Variants in DCC observed in about 807,000 individuals in gnomAD.
The protein encoded by DCC is netrin receptor DCC.
A neutral mutation model predicts 172.5 loss-of-function variants in DCC; 58 were observed. That is an observed-to-expected ratio of 0.34 (90% confidence interval 0.27 to 0.42). DCC has a LOEUF of 0.42. DCC is among the 10% of genes least tolerant of loss of function. DCC has a pLI of 1.00. For missense variants in DCC, 1,740 were observed against 1,791.0 expected, an observed-to-expected ratio of 0.97 and a Z score of 0.51; for synonymous variants, 709 against 644.5, an observed-to-expected ratio of 1.10 and a Z score of -1.52.
intron 1 of DCC, among the ~76,000 whole-genome samples, chr18:52,509,275 A>G (rs2144643256): frequency 6.6e-6 from 1 of 152,332 alleles, no homozygotes; most frequent in East Asian, 1.9e-4. Context: ...ATAGATTTTG[A>G]ACTGATAATA....
At chr18:53,226,949 T>TATATA (rs1555734428) in intron 12 of DCC, among the ~76,000 whole-genome samples, 5 of 47,476 alleles carry the variant, frequency 1.1e-4, no homozygotes, top group Middle Eastern at 8.9e-3. Flanking sequence ...TATATATATA[T>TATATA]TTTTTTTTTT....
intron 22 of DCC, among the ~76,000 whole-genome samples, chr18:53,446,312 C>G (rs1828874207): frequency 6.6e-6 from 1 of 151,884 alleles, no homozygotes; most frequent in Non-Finnish European, 1.5e-5. Flanking sequence ...CACATTGAGC[C>G]ACATCATAAT....
At chr18:52,571,135 A>C (rs573301760) in intron 1 of DCC, among the ~76,000 whole-genome samples, 31 of 152,350 alleles carry the variant, frequency 2.0e-4, no homozygotes, top group Middle Eastern at 6.8e-3. Flanking sequence ...TTTGAAAGGC[A>C]CTAGAAAATC....
chr18:52,762,031 A>C (rs1050676239), intron 2 of DCC, among the ~76,000 whole-genome samples: 1 of 152,134 alleles, frequency 6.6e-6, no homozygotes, highest in South Asian at 2.1e-4. Flanking sequence ...CTTATTGTGA[A>C]ATGTAACTCA....
intron 1 of DCC, among the ~76,000 whole-genome samples, chr18:52,484,011 A>AT (rs2030085155): frequency 1.3e-5 from 2 of 151,982 alleles, no homozygotes; most frequent in Non-Finnish European, 2.9e-5. Context: ...TGAATGTTCC[A>AT]TTTTTGTAGC....
intron 15 of DCC, among the ~76,000 whole-genome samples, chr18:53,368,288 T>G (rs2058026397): frequency 6.6e-6 from 1 of 152,168 alleles, no homozygotes; most frequent in South Asian, 2.1e-4. Context: ...TTAGGCTGTT[T>G]GTATTTGATG....
At chr18:52,974,831 T>C (rs1176380208) in intron 5 of DCC, among the ~76,000 whole-genome samples, 1 of 152,240 alleles carries the variant, frequency 6.6e-6, no homozygotes, top group Non-Finnish European at 1.5e-5. Flanking sequence ...AACTTTAACC[T>C]TTAAAAGGTA....
chr18:52,955,333 T>A (rs1465923267), intron 5 of DCC, among the ~76,000 whole-genome samples: 1 of 152,180 alleles, frequency 6.6e-6, no homozygotes, highest in Non-Finnish European at 1.5e-5. Context: ...TAAAATTGGC[T>A]TCTTTCACTT....
At chr18:53,356,586 G>T (rs1198520109) in intron 15 of DCC, among the ~76,000 whole-genome samples, 1 of 152,116 alleles carries the variant, frequency 6.6e-6, no homozygotes, top group Non-Finnish European at 1.5e-5. Flanking sequence ...TGAGTTACAT[G>T]GTTGTCCATC....
At chr18:52,435,825 C>G (rs1399910672) in intron 1 of DCC, among the ~76,000 whole-genome samples, 2 of 152,204 alleles carry the variant, frequency 1.3e-5, no homozygotes, top group Non-Finnish European at 2.9e-5. Context: ...TCTGCTTCTT[C>G]CCTGCATCAG....
chr18:53,478,141 C>T (rs1199139606), intron 25 of DCC, among the ~76,000 whole-genome samples: 1 of 152,136 alleles, frequency 6.6e-6, no homozygotes, highest in East Asian at 1.9e-4. Context: ...ACTGGTGATG[C>T]TGTTTAATGG....
At position 52,846,341 on chromosome 18, in the gene DCC, A is replaced by T. The variant is rs556169368; in HGVS notation, c.413-59703A>T. ...CAGATTTCATGAGCTCAGGAGTTCC[A>T]GACGAGCCCGGGCAACATGGCGAAT... is the stretch of plus-strand genomic sequence containing the variant. On this transcript the variant is annotated intron_variant, in intron 2 of 28. Transcript: ENST00000442544. Among the ~76,000 whole-genome samples, 9 of 152,134 alleles carry T rather than the reference A, an allele frequency of 5.9e-5. No individual in the cohort carries two copies. The South Asian group carries it at 1.9e-3, about 32-fold the overall frequency.
At chr18:52,489,368 A>G (rs934605755) in intron 1 of DCC, among the ~76,000 whole-genome samples, 3 of 152,124 alleles carry the variant, frequency 2.0e-5, no homozygotes, top group Admixed American at 6.6e-5. Flanking sequence ...ATTACACACT[A>G]CAGAGGTTTT....
chr18:53,021,388 G>A (rs1568249866), intron 5 of DCC, among the ~76,000 whole-genome samples: 2 of 152,122 alleles, frequency 1.3e-5, no homozygotes, highest in African/African-American at 2.4e-5. Flanking sequence ...AGTATCACAT[G>A]TGTCTGTTAA....
At chr18:52,489,270 T>C (rs1361143083) in intron 1 of DCC, among the ~76,000 whole-genome samples, 2 of 152,100 alleles carry the variant, frequency 1.3e-5, no homozygotes, top group Admixed American at 1.3e-4. Flanking sequence ...TTTAGATTCC[T>C]ACCAACTTTC....
At chr18:52,539,395 G>A (rs2032377139) in intron 1 of DCC, among the ~76,000 whole-genome samples, 1 of 152,126 alleles carries the variant, frequency 6.6e-6, no homozygotes, top group South Asian at 2.1e-4. Flanking sequence ...ACTAGTATTG[G>A]TCCATGGCAT....
chr18:53,455,244 CTTTA>C (rs1365892390), intron 23 of DCC, among the ~76,000 whole-genome samples: 2 of 152,204 alleles, frequency 1.3e-5, no homozygotes, highest in Non-Finnish European at 2.9e-5. Flanking sequence ...GTACAGCACT[CTTTA>C]TTTGTCTGCC....
intron 28 of DCC, 95 bp downstream of exon 28, chr18:53,526,854 C>A: frequency 9.9e-7 from 1 of 1,011,492 alleles, no homozygotes; most frequent in East Asian, 2.4e-5. Flanking sequence ...CCATTCACCC[C>A]AGGCCACCCC....
At chr18:52,857,147 C>T (rs1036162696) in intron 2 of DCC, among the ~76,000 whole-genome samples, 7 of 152,156 alleles carry the variant, frequency 4.6e-5, no homozygotes, top group African/African-American at 1.7e-4. Context: ...CATGTATATT[C>T]CTTCTTAAAT....
Sources: allele counts gnomAD v4.1 joint callset (sites outside exome capture counted in the v4.1 genomes callset), GRCh38; gene constraint gnomAD v4.1.1; transcripts MANE v1.5; gene names NCBI Gene and HGNC (gene_info 2026-07-23, HGNC 2026-07-21).